The following CBLB variants were observed in gnomAD, a reference collection of about 807,000 sequenced individuals.
The protein encoded by CBLB is Cbl proto-oncogene B, also known as E3 ubiquitin-protein ligase CBL-B.
A neutral mutation model predicts 104.9 loss-of-function variants in CBLB; 31 were observed. The observed-to-expected ratio is 0.30, with a 90% CI of 0.22 to 0.40. CBLB has a LOEUF of 0.40. Among genes scored for constraint, CBLB ranks in the 10% least tolerant of loss-of-function variants. The pLI is 1.00. For missense variants in CBLB, 1,062 were observed against 1,214.6 expected, an observed-to-expected ratio of 0.87 and a Z score of 1.87; for synonymous variants, 440 against 422.6, an observed-to-expected ratio of 1.04 and a Z score of -0.51.
chr3:105,740,716 AG>A lies in CBLB; in HGVS notation c.846-86del, dbSNP rs1191728502. On this transcript the variant is annotated intron_variant, in intron 6 of 18. Coordinates refer to ENST00000394030, the MANE Select transcript of CBLB (RefSeq NM_170662.5). ...ATTTGTTAGGTTTCTTCCAAGCAAA[AG>A]AATAAACAATCATTTAGAATTCCTG... The A allele has an allele frequency of 3.3e-6, 4 of 1,195,276 alleles. No individual in the cohort carries two copies. In the African/African-American group the frequency reaches 6.1e-5, roughly 18 times the overall value. The allele number at this position is 1,195,276 out of a possible 1,614,324, so 74.0% of individuals were successfully genotyped here. A position where few individuals can be genotyped will look rare whatever the true frequency, so the allele number is the denominator to read the frequency against.
intron 18 of CBLB, among the ~76,000 whole-genome samples, chr3:105,665,617 A>G (rs1367216141): frequency 6.8e-6 from 1 of 147,740 alleles, no homozygotes; most frequent in African/African-American, 2.5e-5. Context: ...ATATAAATGT[A>G]TAATTATAAA....
chr3:105,665,932 G>C (rs1190410229), intron 18 of CBLB, among the ~76,000 whole-genome samples: 1 of 151,550 alleles, frequency 6.6e-6, no homozygotes, highest in Non-Finnish European at 1.5e-5. Context: ...AGGAGGCTGA[G>C]GCAGAACTGC....
rs919909762 is a variant in CBLB at position 105,817,065 on chromosome 3, G to A, written c.419+36349C>T. ...GGAGAATTAGCATGACATGTTTTTA[G>A]AATTATGAAGGCATGAAAATGAGAA... is the stretch of plus-strand genomic sequence containing the variant. On this transcript the variant is annotated intron_variant, in intron 3 of 18. Coordinates refer to ENST00000394030, the MANE Select transcript of CBLB (RefSeq NM_170662.5). Among the ~76,000 whole-genome samples the A allele has an allele frequency of 3.9e-5, 6 of 152,212 alleles. No homozygotes were observed. The East Asian group carries it at 5.8e-4, about 15-fold the overall frequency.
At chr3:105,793,398 T>A (rs2081914653) in intron 3 of CBLB, among the ~76,000 whole-genome samples, 1 of 150,684 alleles carries the variant, frequency 6.6e-6, no homozygotes, top group African/African-American at 2.4e-5. Context: ...AGGAAGCAAG[T>A]CTTTTCATAA....
At chr3:105,863,287 C>A (rs1486827159) in intron 2 of CBLB, among the ~76,000 whole-genome samples, 1 of 152,172 alleles carries the variant, frequency 6.6e-6, no homozygotes, top group Non-Finnish European at 1.5e-5. Flanking sequence ...TATCACAACA[C>A]AAATTCAAAA....
chr3:105,748,949 C>T (rs996394503), intron 5 of CBLB, among the ~76,000 whole-genome samples: 1 of 152,234 alleles, frequency 6.6e-6, no homozygotes, highest in South Asian at 2.1e-4. Context: ...AAGTCACTGC[C>T]AATTAACTAC....
At chr3:105,745,477 A>G (rs2076014318) in intron 6 of CBLB, among the ~76,000 whole-genome samples, 1 of 152,238 alleles carries the variant, frequency 6.6e-6, no homozygotes, top group South Asian at 2.1e-4. Flanking sequence ...GCTTATGTAC[A>G]TACATGTATT....
intron 2 of CBLB, among the ~76,000 whole-genome samples, chr3:105,863,975 C>T (rs530737466): frequency 6.6e-6 from 1 of 152,280 alleles, no homozygotes; most frequent in Admixed American, 6.5e-5. Context: ...CTTATGAAAA[C>T]CATGCTCAGG....
intron 6 of CBLB, among the ~76,000 whole-genome samples, chr3:105,741,993 T>G (rs1449140429): frequency 5.9e-5 from 9 of 152,242 alleles, no homozygotes; most frequent in African/African-American, 2.2e-4. Flanking sequence ...CCCTTGAAAC[T>G]AATATCCAAC....
chr3:105,789,080 A>T (rs1378238411), intron 3 of CBLB, among the ~76,000 whole-genome samples: 1 of 152,216 alleles, frequency 6.6e-6, no homozygotes, highest in African/African-American at 2.4e-5. Flanking sequence ...CATGACAAAT[A>T]ATAATTGCTG....
At chr3:105,808,989 C>A (rs142513834) in intron 3 of CBLB, among the ~76,000 whole-genome samples, 26 of 152,232 alleles carry the variant, frequency 1.7e-4, no homozygotes, top group Middle Eastern at 3.4e-3. Flanking sequence ...GACAAAATAA[C>A]CCACCATTTA....
chr3:105,847,566 T>G (rs944950312), intron 3 of CBLB, among the ~76,000 whole-genome samples: 1 of 151,904 alleles, frequency 6.6e-6, no homozygotes, highest in Non-Finnish European at 1.5e-5. Flanking sequence ...ATCTTTATTT[T>G]CTTCACAGTC....
chr3:105,759,586 G>A (rs996722869), intron 4 of CBLB, among the ~76,000 whole-genome samples: 15 of 152,222 alleles, frequency 9.9e-5, no homozygotes, highest in African/African-American at 3.4e-4. Context: ...AAGGGATGCG[G>A]TGGCAGGGGG....
intron 3 of CBLB, among the ~76,000 whole-genome samples, chr3:105,815,732 A>G (rs983687665): frequency 4.6e-5 from 7 of 152,224 alleles, no homozygotes; most frequent in Non-Finnish European, 1.0e-4. Context: ...ATTCTACTAT[A>G]AAGACACATG....
chr3:105,705,797 T>C (rs2070025835), intron 10 of CBLB, among the ~76,000 whole-genome samples: 1 of 152,126 alleles, frequency 6.6e-6, no homozygotes, highest in Non-Finnish European at 1.5e-5. Context: ...ACAGCCCACA[T>C]TTATATAGTT....
intron 6 of CBLB, among the ~76,000 whole-genome samples, chr3:105,743,245 G>A (rs1240117584): frequency 6.6e-6 from 1 of 151,834 alleles, no homozygotes. Flanking sequence ...ATCATTTGAG[G>A]CCAGGAGTTC....
intron 4 of CBLB, among the ~76,000 whole-genome samples, chr3:105,757,536 T>C (rs1156696570): frequency 2.6e-5 from 4 of 152,206 alleles, no homozygotes; most frequent in Non-Finnish European, 4.4e-5. Context: ...CATGGATACA[T>C]ACTGTAAACA....
intron 3 of CBLB, among the ~76,000 whole-genome samples, chr3:105,801,269 C>G (rs1428869804): frequency 1.3e-5 from 2 of 152,090 alleles, no homozygotes; most frequent in Admixed American, 6.5e-5. Flanking sequence ...GCTTATAAAA[C>G]CTAGGTAGAG....
intron 3 of CBLB, among the ~76,000 whole-genome samples, chr3:105,795,010 T>G (rs2082101211): frequency 6.7e-6 from 1 of 150,032 alleles, no homozygotes. Context: ...GTCTCCCGGG[T>G]TCAAGAGATT....
Sources: gnomAD v4.1 joint callset for allele counts (sites outside exome capture counted in the v4.1 genomes callset) on GRCh38, gnomAD v4.1.1 for gene constraint, MANE v1.5 for transcripts, NCBI Gene and HGNC (gene_info 2026-07-23, HGNC 2026-07-21) for gene names.